KCNIP1: variants seen among roughly 807,000 people sequenced by gnomAD.
The protein encoded by KCNIP1 is potassium voltage-gated channel interacting protein 1, also known as A-type potassium channel modulatory protein KCNIP1.
In KCNIP1, 18 loss-of-function variants were observed where a neutral mutation model predicts 33.0. That is an observed-to-expected ratio of 0.55 (90% CI 0.38 to 0.81). The LOEUF is 0.81. Ranked by LOEUF, KCNIP1 falls within the 30% of genes least tolerant of loss-of-function variation. KCNIP1 has a pLI of 0.00. For synonymous variants in KCNIP1, 93 were observed against 98.3 expected (o/e 0.95, Z 0.32); for missense variants, 238 against 271.6 (o/e 0.88, Z 0.87).
intron 1 of KCNIP1, among the ~76,000 whole-genome samples, chr5:170,696,382 G>T (rs919869836): frequency 6.6e-6 from 1 of 152,068 alleles, no homozygotes; most frequent in African/African-American, 2.4e-5. Flanking sequence ...TAAATGAGTG[G>T]CTGAATGGCC....
At position 170,628,387 on chromosome 5, in the gene KCNIP1, TG is replaced by T. The variant is rs542773212; in HGVS notation, c.62-90367del. 3.4e-3 allele frequency among the ~76,000 whole-genome samples: 512 copies of T among 152,196 alleles called. 1 individual carries two copies. The highest frequency in any genetic ancestry group is 0.012 in the African/African-American group (494 of 41,508). ...AGTGAATCTTGGCCATTATGACAACTGGGGACACTGAGGCTCGGAGTGGTGG... is the reference window on the plus strand; with the variant it reads ...AGTGAATCTTGGCCATTATGACAACTGGGACACTGAGGCTCGGAGTGGTGG... On this transcript the variant is annotated intron_variant, in intron 1 of 7. Coordinates refer to ENST00000328939, the MANE Select transcript of KCNIP1 (RefSeq NM_014592.4).
chr5:170,383,513 T>C, intron 1 of KCNIP1: 2 of 753,528 alleles, frequency 2.7e-6, no homozygotes, highest in Non-Finnish European at 4.5e-6. Flanking sequence ...CCCAGGTCTG[T>C]GTGACTCCAA....
intron 1 of KCNIP1, among the ~76,000 whole-genome samples, chr5:170,593,695 C>T (rs957692005): frequency 2.0e-5 from 3 of 152,140 alleles, no homozygotes; most frequent in East Asian, 1.9e-4. Flanking sequence ...CCTCATTAAG[C>T]GAGACATCAT....
chr5:170,391,330 T>G (rs571140077), intron 1 of KCNIP1, among the ~76,000 whole-genome samples: 1 of 151,650 alleles, frequency 6.6e-6, no homozygotes, highest in South Asian at 2.1e-4. Context: ...TACATATTAT[T>G]TGGAAATCAT....
rs535295126 is a variant in KCNIP1 at position 170,670,556 on chromosome 5, G to A, written c.62-48202G>A. On this transcript the variant is annotated intron_variant, in intron 1 of 7. Transcript: ENST00000328939. ...GACCCTGCACCAATTTGGTTAACCC[G>A]AGTAAGGCTGAGCTTCCCCCAGCAG... is the stretch of plus-strand genomic sequence containing the variant. Among the ~76,000 whole-genome samples the A allele has an allele frequency of 1.1e-4, 17 of 152,230 alleles. No homozygotes were observed. The East Asian group carries it at 1.7e-3, about 16-fold the overall frequency.
intron 3 of KCNIP1, 139 bp downstream of exon 3, chr5:170,720,529 G>A (rs1011060394): frequency 9.4e-5 from 65 of 695,174 alleles, no homozygotes; most frequent in East Asian, 2.2e-4. Flanking sequence ...CTCCCTCATC[G>A]TGAGAGGTGG....
chr5:170,675,554 G>T (rs144149129), intron 1 of KCNIP1, among the ~76,000 whole-genome samples: 1 of 152,166 alleles, frequency 6.6e-6, no homozygotes, highest in Non-Finnish European at 1.5e-5. Flanking sequence ...CCAGGAGGCG[G>T]AGGTTGCAGT....
chr5:170,633,134 G>C (rs989084020), intron 1 of KCNIP1, among the ~76,000 whole-genome samples: 2 of 152,158 alleles, frequency 1.3e-5, no homozygotes, highest in Non-Finnish European at 2.9e-5. Flanking sequence ...AGGCATTCTC[G>C]GGGTCTCTCC....
chr5:170,722,524 C>CA (rs1763862225), intron 4 of KCNIP1, among the ~76,000 whole-genome samples, 189 bp from the exon 5 acceptor site: 2 of 148,310 alleles, frequency 1.3e-5, no homozygotes, highest in South Asian at 2.2e-4. Flanking sequence ...CAAAAAAAAA[C>CA]AAAAAAATGG....
At chr5:170,657,021 A>T in intron 1 of KCNIP1, among the ~76,000 whole-genome samples, 1 of 113,124 alleles carries the variant, frequency 8.8e-6, no homozygotes, top group African/African-American at 3.8e-5. Context: ...TTTGAGACTG[A>T]GCCTCACTCT....
At chr5:170,523,435 A>T (rs886183639) in intron 1 of KCNIP1, among the ~76,000 whole-genome samples, 2 of 152,222 alleles carry the variant, frequency 1.3e-5, no homozygotes, top group African/African-American at 2.4e-5. Flanking sequence ...CAGAGTAGAA[A>T]GGCAGGGTTC....
intron 1 of KCNIP1, among the ~76,000 whole-genome samples, chr5:170,428,745 A>G (rs1207274359): frequency 2.0e-5 from 3 of 152,040 alleles, no homozygotes; most frequent in African/African-American, 4.8e-5. Flanking sequence ...GGGGAGGAAA[A>G]TATTTGCCAA....
chr5:170,482,772 A>T (rs1757004016), intron 1 of KCNIP1, among the ~76,000 whole-genome samples: 1 of 152,190 alleles, frequency 6.6e-6, no homozygotes, highest in Non-Finnish European at 1.5e-5. Flanking sequence ...AGAGGTTTTT[A>T]TTAGCTCCAA....
At chr5:170,638,723 C>T (rs1760399867) in intron 1 of KCNIP1, among the ~76,000 whole-genome samples, 1 of 152,154 alleles carries the variant, frequency 6.6e-6, no homozygotes, top group Non-Finnish European at 1.5e-5. Flanking sequence ...GCAGCCAGTC[C>T]CCCACATAAA....
chr5:170,528,439 A>T (rs1186788911), intron 1 of KCNIP1, among the ~76,000 whole-genome samples: 1 of 152,106 alleles, frequency 6.6e-6, no homozygotes, highest in African/African-American at 2.4e-5. Flanking sequence ...TTATCTATAG[A>T]ATGGGCTCTC....
intron 1 of KCNIP1, among the ~76,000 whole-genome samples, chr5:170,671,939 C>G (rs1761941835): frequency 6.6e-6 from 1 of 152,224 alleles, no homozygotes; most frequent in Admixed American, 6.5e-5. Context: ...CACAAATACA[C>G]AGTGACAATA....
chr5:170,511,938 T>G (rs1754947121), intron 1 of KCNIP1, among the ~76,000 whole-genome samples: 1 of 152,174 alleles, frequency 6.6e-6, no homozygotes, highest in African/African-American at 2.4e-5. Flanking sequence ...CATTCAAGGA[T>G]AGACTGAAGC....
intron 3 of KCNIP1, 25 bp from the exon 4 acceptor site, chr5:170,721,808 C>T (rs751128456): frequency 6.8e-6 from 11 of 1,614,094 alleles, no homozygotes; most frequent in East Asian, 2.2e-5. Context: ...GCCCCCATCA[C>T]CTGCCCTCCT....
upstream of KCNIP1, among the ~76,000 whole-genome samples, chr5:170,501,333 C>T (rs1229164697): frequency 1.3e-5 from 2 of 152,092 alleles, no homozygotes; most frequent in African/African-American, 2.4e-5. Flanking sequence ...TGAAGGAGAA[C>T]CACAACACGC....
Sources: allele counts gnomAD v4.1 joint callset (sites outside exome capture counted in the v4.1 genomes callset), GRCh38; gene constraint gnomAD v4.1.1; transcripts MANE v1.5; gene names NCBI Gene and HGNC (gene_info 2026-07-23, HGNC 2026-07-21).